Variants in MAP3K7 observed in about 807,000 individuals in gnomAD.
The protein encoded by MAP3K7 is TGF-beta activated kinase 1.
In MAP3K7, 21 loss-of-function variants were observed where a neutral mutation model predicts 84.8. The observed-to-expected ratio is 0.25, with a 90% CI of 0.18 to 0.36. MAP3K7 has a LOEUF of 0.36. Ranked by LOEUF, MAP3K7 falls within the 10% of genes least tolerant of loss-of-function variation. MAP3K7 has a pLI of 1.00. For missense variants in MAP3K7, 503 were observed against 747.7 expected, an observed-to-expected ratio of 0.67 and a Z score of 3.82; for synonymous variants, 241 against 247.7, an observed-to-expected ratio of 0.97 and a Z score of 0.25.
chr6:90,567,389 A>G (rs919144589), intron 3 of MAP3K7, among the ~76,000 whole-genome samples: 4 of 152,256 alleles, frequency 2.6e-5, no homozygotes, highest in African/African-American at 9.6e-5. Context: ...CAACCCCATC[A>G]AAAAGTGGGC....
At chr6:90,551,013 T>C (rs890985428) in intron 8 of MAP3K7, 1 of 152,428 alleles carries the variant, frequency 6.6e-6, no homozygotes, top group African/African-American at 2.4e-5. Context: ...ACAAAAATGT[T>C]AGAATTTAGA....
rs1327472475 is a variant in MAP3K7 at position 90,523,707 on chromosome 6, C to A, written c.1433G>T (p.Ser478Ile). 2 of 1,613,306 alleles carry A rather than the reference C, an allele frequency of 1.2e-6. No individual in the cohort carries two copies. The highest frequency in any genetic ancestry group is 4.5e-5 in the East Asian group (2 of 44,868). Residue 478 changes from serine (S) to isoleucine (I), a missense_variant, in exon 14 of 17, where the codon AGT (serine) becomes ATT (isoleucine). Physicochemically the swap from Ser to Ile is moderately radical, Grantham distance 142. This residue lies in a region of MAP3K7 where 286 missense variants were observed against 313.6 expected (regional missense o/e 0.91). Transcript: ENST00000369329. ...GGAATCATCAGGGGTCCATGGATGA[C>A]TTCGAGTTGGCTTTTCTGAGGTTGG... ...SGPTSEKPTR[S>I]HPWTPDDSTD...
intron 2 of MAP3K7, among the ~76,000 whole-genome samples, chr6:90,570,416 A>G (rs1034728826): frequency 9.2e-5 from 14 of 152,268 alleles, no homozygotes; most frequent in Admixed American, 6.5e-4. Context: ...AGGGCAGGGG[A>G]CAGTGTAAAA....
rs767963315 is a variant in MAP3K7 at position 90,523,769 on chromosome 6, T to C, written c.1371A>G (p.Ser457=). Reference sequence around the variant, plus strand: ...TAATCATTCTGACACTGGGACTGGATGACCTACTGCTCACCTACAGGAAGA... The same window carrying C: ...TAATCATTCTGACACTGGGACTGGACGACCTACTGCTCACCTACAGGAAGA... ...GTEPGQVSSR[S]SSPSVRMITT... The change falls in exon 14 of 17, where the codon TCA becomes TCG. Residue 457 remains serine, a synonymous_variant. Coordinates refer to ENST00000369329, the MANE Select transcript of MAP3K7 (RefSeq NM_145331.3). The C allele has an allele frequency of 6.2e-7, 1 of 1,605,480 alleles. No individual in the cohort carries two copies. The highest frequency in any genetic ancestry group is 1.1e-5 in the South Asian group (1 of 90,856).
At chr6:90,585,068 G>A (rs1017006774) in intron 1 of MAP3K7, among the ~76,000 whole-genome samples, 1 of 152,112 alleles carries the variant, frequency 6.6e-6, no homozygotes, top group Admixed American at 6.5e-5. Flanking sequence ...CAGGCCCTGT[G>A]GTAGGTGTTT....
At chr6:90,524,343 A>G (rs1271117709) in intron 13 of MAP3K7, among the ~76,000 whole-genome samples, 1 of 152,232 alleles carries the variant, frequency 6.6e-6, no homozygotes, top group Non-Finnish European at 1.5e-5. Flanking sequence ...GAATCCACAA[A>G]AAATTTCCAG....
chr6:90,530,231 AAC>A (rs1177577545), intron 13 of MAP3K7, among the ~76,000 whole-genome samples: 1 of 152,216 alleles, frequency 6.6e-6, no homozygotes, highest in Non-Finnish European at 1.5e-5. Flanking sequence ...TAAAAAGAGA[AAC>A]ACATGTTTGT....
intron 11 of MAP3K7, among the ~76,000 whole-genome samples, chr6:90,546,224 A>G (rs182739532): frequency 6.6e-6 from 1 of 152,286 alleles, no homozygotes; most frequent in African/African-American, 2.4e-5. Context: ...CAAGTATAGT[A>G]TGATGGTCCA....
At chr6:90,529,165 T>C (rs1057358405) in intron 13 of MAP3K7, among the ~76,000 whole-genome samples, 4 of 152,212 alleles carry the variant, frequency 2.6e-5, no homozygotes, top group African/African-American at 7.2e-5. Flanking sequence ...CTGGCATTCA[T>C]GACTCTCCAT....
intron 1 of MAP3K7, among the ~76,000 whole-genome samples, chr6:90,573,858 A>C (rs1453859703): frequency 6.6e-6 from 1 of 152,184 alleles, no homozygotes; most frequent in Non-Finnish European, 1.5e-5. Context: ...TGTTTTGTTG[A>C]CTTCCCATTT....
At chr6:90,567,076 A>G (rs1366036426) in intron 3 of MAP3K7, among the ~76,000 whole-genome samples, 2 of 152,240 alleles carry the variant, frequency 1.3e-5, no homozygotes, top group Non-Finnish European at 2.9e-5. Context: ...GATGGATTAA[A>G]GACTTAAATG....
At chr6:90,555,227 C>T (rs1776296708) in intron 6 of MAP3K7, among the ~76,000 whole-genome samples, 1 of 151,786 alleles carries the variant, frequency 6.6e-6, no homozygotes, top group Non-Finnish European at 1.5e-5. Flanking sequence ...ATTTGTAATT[C>T]TTAGTATCTT....
At chr6:90,571,459 GT>G (rs1331095146) in intron 2 of MAP3K7, among the ~76,000 whole-genome samples, 1 of 152,002 alleles carries the variant, frequency 6.6e-6, no homozygotes, top group Non-Finnish European at 1.5e-5. Flanking sequence ...GGATGAAACT[GT>G]TTTAATTCAG....
chr6:90,543,520 GCAA>G (rs1461374111), intron 12 of MAP3K7, among the ~76,000 whole-genome samples: 1 of 151,968 alleles, frequency 6.6e-6, no homozygotes, highest in African/African-American at 2.4e-5. Flanking sequence ...TCAATAATAA[GCAA>G]CAACAACAAA....
At chr6:90,579,111 G>A (rs966811402) in intron 1 of MAP3K7, among the ~76,000 whole-genome samples, 14 of 152,166 alleles carry the variant, frequency 9.2e-5, no homozygotes, top group African/African-American at 3.4e-4. Flanking sequence ...GGCCTGCCAG[G>A]ATTTGGTCCA....
At chr6:90,575,591 GAAGT>G (rs762243274) in intron 1 of MAP3K7, among the ~76,000 whole-genome samples, 41 of 152,270 alleles carry the variant, frequency 2.7e-4, no homozygotes, top group South Asian at 1.0e-3. Context: ...AGCTAACTGA[GAAGT>G]AAGGAGTCTT....
Position 90,516,724 on chromosome 6 carries a change from T to C in MAP3K7, c.1641-43A>G, listed in dbSNP as rs370606193. The C allele has an allele frequency of 3.4e-6, 5 of 1,490,802 alleles. No homozygotes were observed. In the Admixed American group the frequency reaches 1.1e-4, roughly 34 times the overall value. 92.3% of individuals were successfully genotyped at this position (1,490,802 alleles called of 1,614,324 possible). ...ATAATATTACACATGATGGAAAAATTCATACCTTAGTAGCTGATGATGGAA... is the reference window on the plus strand; with the variant it reads ...ATAATATTACACATGATGGAAAAATCCATACCTTAGTAGCTGATGATGGAA... On this transcript the variant is annotated intron_variant, in intron 16 of 16. Transcript: ENST00000369329.
At chr6:90,550,216 A>G (rs1048831161) in intron 9 of MAP3K7, among the ~76,000 whole-genome samples, 2 of 152,180 alleles carry the variant, frequency 1.3e-5, no homozygotes, top group African/African-American at 2.4e-5. Flanking sequence ...ATTCACTGTA[A>G]TACAATATGC....
chr6:90,520,145 T>G (rs558666749), intron 14 of MAP3K7, among the ~76,000 whole-genome samples: 1 of 152,116 alleles, frequency 6.6e-6, no homozygotes, highest in South Asian at 2.1e-4. Context: ...TCTGAAGCAA[T>G]ACAGACTTTT....
Sources: allele counts gnomAD v4.1 joint callset (sites outside exome capture counted in the v4.1 genomes callset), GRCh38; gene constraint gnomAD v4.1.1; regional missense constraint gnomAD v4.1.1; transcripts MANE v1.5; gene names NCBI Gene and HGNC (gene_info 2026-07-23, HGNC 2026-07-21).